Variants in ZMYND11 observed in about 807,000 individuals in gnomAD.
The protein encoded by ZMYND11 is zinc finger MYND domain-containing protein 11.
A neutral mutation model predicts 84.9 loss-of-function variants in ZMYND11; 9 were observed. The observed-to-expected ratio is 0.11, with a 90% CI of 0.06 to 0.18. ZMYND11 has a LOEUF of 0.18. Ranked by LOEUF, ZMYND11 falls within the 10% of genes least tolerant of loss-of-function variation. The probability of loss-of-function intolerance (pLI) is 1.00; values close to 1 mark genes in which losing one functional copy is unlikely to be tolerated. For missense variants in ZMYND11, 409 were observed against 761.0 expected (o/e 0.54, Z 5.44); for synonymous variants, 250 against 244.1 (o/e 1.02, Z -0.23).
At position 254,510 on chromosome 10, in the gene ZMYND11, T is replaced by C. The variant is rs1002628030; in HGVS notation, c.*2040T>C. On this transcript the variant is annotated 3_prime_UTR_variant, in exon 15 of 15. Transcript: ENST00000381604. ...TGTTGAGCTTAGCCACTATGCACAT[T>C]GTAATTATTCATTGTGGCTGTCCAG... 2.0e-5 allele frequency: 3 copies of C among 152,676 alleles called. No homozygotes were observed. Among genetic ancestry groups the C allele is most frequent in the Non-Finnish European group, 4.4e-5 (3 of 68,042 alleles). 9.5% of individuals were successfully genotyped at this position (152,676 alleles called of 1,614,324 possible). A position where few individuals can be genotyped will look rare whatever the true frequency, so the allele number is the denominator to read the frequency against.
chr10:229,586 ATTAATACTAGCAATTAGTGTGATGTACTG>A (rs1410941278), intron 4 of ZMYND11, among the ~76,000 whole-genome samples: 1 of 152,198 alleles, frequency 6.6e-6, no homozygotes, highest in Admixed American at 6.5e-5. Context: ...GTTTTCTACC[ATTAATACTAGCAATTAGTGTGATGTACTG>A]TTCTTCAGGT....
chr10:219,696 A>G (rs1051277582), intron 3 of ZMYND11, among the ~76,000 whole-genome samples: 2 of 152,190 alleles, frequency 1.3e-5, no homozygotes, highest in Admixed American at 1.3e-4. Flanking sequence ...AACTTTGTGC[A>G]GTACATCATT....
intron 1 of ZMYND11, among the ~76,000 whole-genome samples, chr10:175,945 A>G (rs918331172): frequency 1.3e-5 from 2 of 152,214 alleles, no homozygotes; most frequent in Non-Finnish European, 2.9e-5. Flanking sequence ...TTGAATTTTC[A>G]CACTGTGCTC....
At chr10:244,552 C>A (rs1951727688) in intron 10 of ZMYND11, 2 of 152,310 alleles carry the variant, frequency 1.3e-5, no homozygotes, top group Admixed American at 1.3e-4. Flanking sequence ...CTAGATCTTT[C>A]TGCTGCGAGA....
intron 1 of ZMYND11, among the ~76,000 whole-genome samples, chr10:166,895 G>A (rs190334058): frequency 6.3e-4 from 96 of 152,182 alleles, no homozygotes; most frequent in African/African-American, 2.0e-3. Flanking sequence ...TTATCCATAC[G>A]GTGGAATATT....
intron 4 of ZMYND11, among the ~76,000 whole-genome samples, chr10:230,472 C>CAAAAA (rs59145964): frequency 1.9e-5 from 1 of 52,752 alleles, no homozygotes; most frequent in Non-Finnish European, 3.2e-5. Context: ...GACTCAGTCT[C>CAAAAA]AAAAAAAAAA....
intron 1 of ZMYND11, among the ~76,000 whole-genome samples, chr10:166,156 A>G (rs1843966642): frequency 6.6e-6 from 1 of 152,182 alleles, no homozygotes; most frequent in Admixed American, 6.6e-5. Context: ...AAAACTTGTA[A>G]AACAGTTTAA....
At chr10:231,487 G>A (rs1949008373) in intron 4 of ZMYND11, among the ~76,000 whole-genome samples, 1 of 152,166 alleles carries the variant, frequency 6.6e-6, no homozygotes, top group Admixed American at 6.5e-5. Flanking sequence ...AGGTTTCTAT[G>A]ACTGAAAAAC....
intron 9 of ZMYND11, among the ~76,000 whole-genome samples, chr10:241,280 T>TG (rs1950853233): frequency 6.6e-6 from 1 of 152,126 alleles, no homozygotes; most frequent in African/African-American, 2.4e-5. Flanking sequence ...CAGGCTCAAG[T>TG]GATTCTCCCA....
At chr10:213,012 TAAC>T (rs1453333364) in intron 3 of ZMYND11, among the ~76,000 whole-genome samples, 1 of 152,188 alleles carries the variant, frequency 6.6e-6, no homozygotes, top group Non-Finnish European at 1.5e-5. Context: ...CATGCCCTGA[TAAC>T]ACTCTAGGAG....
intron 1 of ZMYND11, among the ~76,000 whole-genome samples, chr10:158,004 T>C (rs1842088912): frequency 6.6e-6 from 1 of 152,242 alleles, no homozygotes; most frequent in African/African-American, 2.4e-5. Context: ...TAGAATGTTT[T>C]CGAGGCTCAT....
At chr10:200,875 T>C (rs1456201893) in intron 2 of ZMYND11, among the ~76,000 whole-genome samples, 1 of 152,202 alleles carries the variant, frequency 6.6e-6, no homozygotes, top group Non-Finnish European at 1.5e-5. Context: ...TAAATGTTTT[T>C]CCATTTTATT....
At chr10:247,929 T>C (rs1345347443) in intron 12 of ZMYND11, among the ~76,000 whole-genome samples, 3 of 152,202 alleles carry the variant, frequency 2.0e-5, no homozygotes, top group Admixed American at 1.3e-4. Flanking sequence ...CAAACACATA[T>C]TCAGTGAGAA....
chr10:236,273 T>C (rs556911831), intron 4 of ZMYND11, among the ~76,000 whole-genome samples: 1 of 152,218 alleles, frequency 6.6e-6, no homozygotes, highest in African/African-American at 2.4e-5. Context: ...TTAGACTTTT[T>C]TGGTGCAATA....
Position 149,349 on chromosome 10 carries a change from C to T in ZMYND11, c.-20+13790C>T, listed in dbSNP as rs186690863. Among the ~76,000 whole-genome samples the T allele has an allele frequency of 2.0e-3, 304 of 150,574 alleles. 1 individual carries two copies. Among genetic ancestry groups the T allele is most frequent in the African/African-American group, 6.6e-3 (272 of 41,034 alleles). On this transcript the variant is annotated intron_variant, in intron 1 of 14. Coordinates refer to ENST00000381604, the MANE Select transcript of ZMYND11 (RefSeq NM_001370100.5). ...ATTTTTCAGACCAGTCTCGCTCTGT[C>T]GCCCAGGCTGGAGTGCAGTGGCGCG...
At position 246,888 on chromosome 10, in the gene ZMYND11, G is replaced by A. The variant is rs769891647; in HGVS notation, c.1073G>A (p.Arg358Gln). The change falls in exon 11 of 15, where the codon CGA becomes CAA. Residue 358 changes from arginine (R) to glutamine (Q), a missense_variant. Arg to Gln is a conservative substitution (Grantham distance 43, BLOSUM62 1). Transcript: ENST00000381604. ...CTGGAGCTGCATCAGCGTTTCCTACGAGAAGGGAGATTTTGGAAATCTAAG... is the reference window on the plus strand; with the variant it reads ...CTGGAGCTGCATCAGCGTTTCCTACAAGAAGGGAGATTTTGGAAATCTAAG... ...DELELHQRFL[R>Q]EGRFWKSKNE... The A allele has an allele frequency of 9.9e-6, 16 of 1,613,890 alleles. No homozygotes were observed. The highest frequency in any genetic ancestry group is 1.3e-5 in the Non-Finnish European group (15 of 1,179,966).
intron 1 of ZMYND11, among the ~76,000 whole-genome samples, chr10:177,883 A>G (rs1295772001): frequency 6.6e-6 from 1 of 152,144 alleles, no homozygotes; most frequent in Non-Finnish European, 1.5e-5. Flanking sequence ...AATTTATAAT[A>G]ATATATTTCT....
intron 3 of ZMYND11, among the ~76,000 whole-genome samples, chr10:210,540 A>G (rs1348456957): frequency 6.6e-6 from 1 of 152,240 alleles, no homozygotes; most frequent in Admixed American, 6.5e-5. Flanking sequence ...GCCAGTGCCT[A>G]CGTTGACTAA....
At chr10:158,984 G>T (rs797034166) in intron 1 of ZMYND11, among the ~76,000 whole-genome samples, 585 of 40,044 alleles carry the variant, frequency 0.015, 10 homozygotes, top group East Asian at 0.058. Context: ...AGGGTTTTTT[G>T]TTTTTTGTTT....
Sources: gnomAD v4.1 joint callset for allele counts (sites outside exome capture counted in the v4.1 genomes callset) on GRCh38, gnomAD v4.1.1 for gene constraint, MANE v1.5 for transcripts, NCBI Gene and HGNC (gene_info 2026-07-23, HGNC 2026-07-21) for gene names.